ERI2: variants seen among roughly 807,000 people sequenced by gnomAD.
The protein encoded by ERI2 is ERI1 exoribonuclease family member 2.
In ERI2, 35 loss-of-function variants were observed where a neutral mutation model predicts 46.8. That is an observed-to-expected ratio of 0.75 (90% CI 0.57 to 0.99). The LOEUF (loss-of-function observed/expected upper bound fraction) is 0.99. Among genes scored for constraint, ERI2 ranks in the 50% least tolerant of loss-of-function variants. The pLI, the probability that ERI2 is intolerant of heterozygous loss-of-function variation, is 0.00. For missense variants in ERI2, 695 were observed against 796.2 expected (o/e 0.87, Z 1.53); for synonymous variants, 224 against 271.0 (o/e 0.83, Z 1.70).
At position 20,798,970 on chromosome 16, in the gene ERI2, C is replaced by T. The variant is rs1162148465; in HGVS notation, c.830G>A (p.Ser277Asn). Reference protein sequence around the residue: ...SACNISIQGPSIYNKEPKNII... With the variant: ...SACNISIQGPNIYNKEPKNII... ...ATTTTTAGGCTCCTTATTATATATGCTGGGACCCTGGATGCTAATGTTACA... is the reference window on the plus strand; with the variant it reads ...ATTTTTAGGCTCCTTATTATATATGTTGGGACCCTGGATGCTAATGTTACA... Residue 277 changes from serine (S) to asparagine (N), a missense_variant, in exon 9 of 9, where the codon AGC (serine) becomes AAC (asparagine). Ser to Asn is a conservative substitution (Grantham distance 46). Transcript: ENST00000357967. 1.3e-6 allele frequency: 2 copies of T among 1,547,904 alleles called. No homozygotes were observed. The highest frequency in any genetic ancestry group is 1.7e-6 in the Non-Finnish European group (2 of 1,146,116).
chr16:20,788,510 C>A (rs1266825501), intron 10 of ERI2, among the ~76,000 whole-genome samples: 1 of 152,178 alleles, frequency 6.6e-6, no homozygotes. Flanking sequence ...ATTTTTAACT[C>A]TTTTCCACGG....
intron 10 of ERI2, among the ~76,000 whole-genome samples, chr16:20,788,816 T>C (rs1372742864): frequency 6.6e-6 from 1 of 152,234 alleles, no homozygotes; most frequent in Non-Finnish European, 1.5e-5. Flanking sequence ...CCATCAATAA[T>C]TCCTTCATAC....
chr16:20,792,356 C>A, downstream of ERI2: 1 of 1,612,678 alleles, frequency 6.2e-7, no homozygotes, highest in South Asian at 1.1e-5. Context: ...TGATTCATGT[C>A]AACTTTATAA....
intron 1 of ERI2, among the ~76,000 whole-genome samples, chr16:20,804,364 G>T (rs2080827489): frequency 6.6e-6 from 1 of 151,846 alleles, no homozygotes; most frequent in African/African-American, 2.4e-5. Context: ...AAAAATCTGG[G>T]TAAAGAAACA....
Position 20,780,721 on chromosome 16 carries a change from A to C in ERI2, c.908T>G (p.Leu303Arg), listed in dbSNP as rs138743502. 53 of 1,614,114 alleles carry C rather than the reference A, an allele frequency of 3.3e-5. No homozygotes were observed. In the African/African-American group the frequency reaches 3.5e-4, roughly 11 times the overall value. ...GTAGTTTTTCCTTTGCAGACATGCC[A>C]GTGACAGCCACACCTGTGTGAAGAC... The change falls in exon 11 of 11, where the codon CTG (leucine) becomes CGG (arginine). Residue 303 changes from leucine to arginine, a missense_variant. By Grantham distance (102) the Leu-to-Arg change is moderately radical. Transcript: ENST00000300005.
chr16:20,805,741 CCTT>C (rs1241042210), intron 1 of ERI2: 3 of 186,056 alleles, frequency 1.6e-5, no homozygotes, highest in African/African-American at 7.1e-5. Flanking sequence ...CAAGTTACTT[CCTT>C]CTTCCTTTGT....
downstream of ERI2, among the ~76,000 whole-genome samples, chr16:20,794,093 G>A (rs535710641): frequency 4.1e-3 from 625 of 152,258 alleles, 8 homozygotes; most frequent in Non-Finnish European, 4.0e-3. Flanking sequence ...TATCTCAAAC[G>A]AGGTATCCAT....
intron 10 of ERI2, chr16:20,780,886 G>A: frequency 6.2e-7 from 1 of 1,613,820 alleles, no homozygotes; most frequent in Non-Finnish European, 8.5e-7. Flanking sequence ...GCAGCTTGAA[G>A]TGTCAAAACT....
chr16:20,794,555 A>G (rs1039907190), downstream of ERI2, among the ~76,000 whole-genome samples: 2 of 152,246 alleles, frequency 1.3e-5, no homozygotes, highest in African/African-American at 2.4e-5. Flanking sequence ...TGGCACAGCC[A>G]TAGACTTTTC....
chr16:20,802,858 C>T lies in ERI2; in HGVS notation c.241G>A (p.Val81Ile), dbSNP rs749398336. The change falls in exon 4 of 9, where the codon GTT becomes ATT. Residue 81 changes from valine to isoleucine, a missense_variant. Val to Ile is a conservative substitution (Grantham distance 29, BLOSUM62 3). Transcript: ENST00000357967. Reference protein sequence around the residue: ...GQIDSEFQAYVQPQEHPILSE... With the variant: ...GQIDSEFQAYIQPQEHPILSE... ...AGAATTGGATGTTCCTGAGGTTGAA[C>T]ATAAGCCTGGAACTCAGAGTCAATC... 3 of 1,611,418 alleles carry T rather than the reference C, an allele frequency of 1.9e-6. No individual in the cohort carries two copies. Among genetic ancestry groups the T allele is most frequent in the Admixed American group, 1.7e-5 (1 of 59,984 alleles).
At chr16:20,785,823 T>C (rs933759051) in intron 10 of ERI2, among the ~76,000 whole-genome samples, 5 of 152,168 alleles carry the variant, frequency 3.3e-5, no homozygotes, top group African/African-American at 9.6e-5. Flanking sequence ...ATAACAAGTA[T>C]GCTAATATAA....
At chr16:20,785,027 C>A in intron 10 of ERI2, 1 of 1,613,606 alleles carries the variant, frequency 6.2e-7, no homozygotes, top group Non-Finnish European at 8.5e-7. Flanking sequence ...TGCTGGGGAA[C>A]CAATTACCCC....
chr16:20,803,751 T>G (rs1233413559), intron 1 of ERI2, 81 bp from the exon 2 acceptor site: 1 of 1,479,146 alleles, frequency 6.8e-7, no homozygotes, highest in African/African-American at 1.4e-5. Flanking sequence ...CTAATGGTAC[T>G]GGGCAACAAT....
At chr16:20,805,412 T>TC (rs2080850883) in intron 1 of ERI2, among the ~76,000 whole-genome samples, 1 of 113,756 alleles carries the variant, frequency 8.8e-6, no homozygotes, top group African/African-American at 2.8e-5. Context: ...GCAACAAAAC[T>TC]CCGTCTCAAA....
intron 1 of ERI2, among the ~76,000 whole-genome samples, chr16:20,803,977 T>G (rs945486686): frequency 7.2e-5 from 11 of 151,952 alleles, no homozygotes; most frequent in Non-Finnish European, 1.3e-4. Context: ...CACAGTCTCC[T>G]GACTAAGACT....
chr16:20,781,584 G>T, intron 10 of ERI2: 1 of 788,070 alleles, frequency 1.3e-6, no homozygotes. Context: ...GATTCTACAA[G>T]AAAAGGTAAG....
In ERI2 at chr16:20,806,459, A is replaced by T. The variant is rs758192694; in HGVS notation, c.-29T>A. On this transcript the variant is annotated 5_prime_UTR_variant, in exon 1 of 9. Transcript: ENST00000357967. ...CGACACTCCTTGCTTTTCCAAGTCC[A>T]GCTGCCGGAAGTCGCTCGACTTCTA... is the stretch of plus-strand genomic sequence containing the variant. 2.4e-5 allele frequency: 38 copies of T among 1,551,438 alleles called. No homozygotes were observed. Among genetic ancestry groups the T allele is most frequent in the Non-Finnish European group, 3.0e-5 (34 of 1,147,378 alleles).
chr16:20,799,002 C>T lies in ERI2; in HGVS notation c.798G>A (p.Met266Ile), dbSNP rs1035172000. Residue 266 changes from methionine to isoleucine, a missense_variant, in exon 9 of 9, where the codon ATG (methionine) becomes ATA (isoleucine). Physicochemically the swap from Met to Ile is conservative, Grantham distance 10. Coordinates refer to ENST00000357967, the MANE Select transcript of ERI2 (RefSeq NM_001142725.2). ...RNLNTIQVEE[M>I]SACNISIQGP... ...CCTGGATGCTAATGTTACAGGCAGA[C>T]ATTTCTTCAACTTGAATTGTATTCA... 165 of 1,534,596 alleles carry T rather than the reference C, an allele frequency of 1.1e-4. No individual in the cohort carries two copies. The highest frequency in any genetic ancestry group is 1.4e-4 in the Non-Finnish European group (155 of 1,142,878).
Position 20,801,215 on chromosome 16 carries a change from C to T in ERI2, c.448G>A (p.Val150Ile). Residue 150 changes from valine to isoleucine, a missense_variant, in exon 5 of 9, where the codon GTT (valine) becomes ATT (isoleucine). Coordinates refer to ENST00000357967, the MANE Select transcript of ERI2 (RefSeq NM_001142725.2). The stretch of plus-strand genomic sequence containing the variant: ...ACTTATTCTTTACCTGACCAAGTAA[C>T]AAATGCACATAATTTTACTTCAGAA... ...SASEVKLCAF[V>I]TWSDWDLGVC... 2.5e-6 allele frequency: 4 copies of T among 1,610,074 alleles called. No homozygotes were observed. The highest frequency in any genetic ancestry group is 3.4e-6 in the Non-Finnish European group (4 of 1,178,536).
Sources: gnomAD v4.1 joint callset for allele counts (sites outside exome capture counted in the v4.1 genomes callset) on GRCh38, gnomAD v4.1.1 for gene constraint, MANE v1.5 for transcripts, NCBI Gene and HGNC (gene_info 2026-07-23, HGNC 2026-07-21) for gene names.